Variants in SHPRH observed in about 807,000 individuals in gnomAD.
The protein encoded by SHPRH is SNF2 histone linker PHD RING helicase.
In SHPRH, 106 loss-of-function variants were observed where a neutral mutation model predicts 202.5. The observed-to-expected ratio is 0.52, with a 90% CI of 0.45 to 0.62. SHPRH has a LOEUF of 0.62. Ranked by LOEUF, SHPRH falls within the 20% of genes least tolerant of loss-of-function variation. The pLI is 0.00. For synonymous variants in SHPRH, 729 were observed against 686.0 expected (o/e 1.06, Z -0.98); for missense variants, 1,710 against 2,020.0 (o/e 0.85, Z 2.94).
At chr6:145,946,158 T>A in intron 7 of SHPRH, 75 bp downstream of exon 7, 1 of 1,033,506 alleles carries the variant, frequency 9.7e-7, no homozygotes. Flanking sequence ...AATTACAAGA[T>A]ATCTCTAAGG....
intron 23 of SHPRH, 44 bp downstream of exon 23, chr6:145,918,087 G>T: frequency 6.8e-7 from 1 of 1,474,306 alleles, no homozygotes; most frequent in Non-Finnish European, 9.3e-7. Flanking sequence ...AGTGGTTTAT[G>T]ATAATGCAGC....
chr6:145,895,321 C>T (rs1198082853), intron 25 of SHPRH, among the ~76,000 whole-genome samples: 1 of 152,022 alleles, frequency 6.6e-6, no homozygotes, highest in Non-Finnish European at 1.5e-5. Context: ...TATTTTAAAA[C>T]ACTCTTCATT....
chr6:145,900,152 G>T (rs908991508), intron 25 of SHPRH, among the ~76,000 whole-genome samples: 1 of 152,070 alleles, frequency 6.6e-6, no homozygotes, highest in Admixed American at 6.6e-5. Context: ...CTATTTCTGG[G>T]TATATATCCA....
chr6:145,861,431 A>C (rs1394526570), downstream of SHPRH, among the ~76,000 whole-genome samples: 3 of 151,710 alleles, frequency 2.0e-5, no homozygotes, highest in East Asian at 5.8e-4. Flanking sequence ...CTATTATCAA[A>C]AAAAAAAAAG....
intron 28 of SHPRH, among the ~76,000 whole-genome samples, chr6:145,890,062 A>G (rs1267817077): frequency 2.0e-5 from 3 of 152,114 alleles, no homozygotes; most frequent in Non-Finnish European, 2.9e-5. Context: ...TCATTTTCTT[A>G]CTAATTCTCC....
In SHPRH at chr6:145,913,255, G is replaced by A. The variant is rs7768718; in HGVS notation, c.4326+223C>T. Among the ~76,000 whole-genome samples the A allele has an allele frequency of 2.0e-3, 309 of 152,204 alleles. 1 individual carries two copies. Among genetic ancestry groups the A allele is most frequent in the African/African-American group, 6.5e-3 (268 of 41,548 alleles). On this transcript the variant is annotated intron_variant, in intron 24 of 29. Transcript: ENST00000275233. ...GTGCATCTTTAATGAAAAAGATGGC[G>A]TCATTCTAGAAATATTTTTTCACTT...
rs544832383 is a variant in SHPRH at position 145,924,721 on chromosome 6, C to T, written c.3402+18G>A. ...TCTGGAGGCAAATACAAGTAAGAAA[C>T]ACTGCATTTTGGCATACCTTTCTTT... On this transcript the variant is annotated intron_variant, in intron 17 of 29. Transcript: ENST00000275233. 2 of 1,603,516 alleles carry T rather than the reference C, an allele frequency of 1.2e-6. No homozygotes were observed. The highest frequency in any genetic ancestry group is 4.5e-5 in the East Asian group (2 of 44,740).
In SHPRH at chr6:145,943,216, G is replaced by A; in HGVS notation, c.2165C>T (p.Ser722Phe). Residue 722 changes from serine to phenylalanine, a missense_variant, in exon 9 of 30, where the codon TCT (serine) becomes TTT (phenylalanine). Around this residue, in one of 8 missense-constraint regions of SHPRH, gnomAD observed 277 missense variants for 363.0 expected, o/e 0.76. Transcript: ENST00000275233. ...PVSTRATLII[S>F]PSSICHQWVD... ...CCACTGGTGACAGATGGAACTTGGA[G>A]AGATGATCAGAGTTGCTCTTGTTGA... The A allele has an allele frequency of 6.2e-7, 1 of 1,613,766 alleles. No homozygotes were observed. Among genetic ancestry groups the A allele is most frequent in the Non-Finnish European group, 8.5e-7 (1 of 1,179,850 alleles).
chr6:145,945,547 A>G lies in SHPRH; in HGVS notation c.1412T>C (p.Ile471Thr). 1 of 1,613,192 alleles carries G rather than the reference A, an allele frequency of 6.2e-7. No individual in the cohort carries two copies. Among genetic ancestry groups the G allele is most frequent in the Non-Finnish European group, 8.5e-7 (1 of 1,179,546 alleles). The change falls in exon 8 of 30, where the codon ATA (isoleucine) becomes ACA (threonine). Residue 471 changes from isoleucine (I) to threonine (T), a missense_variant. Physicochemically the swap from Ile to Thr is moderately conservative, Grantham distance 89 (BLOSUM62 -1). Around this residue, in one of 8 missense-constraint regions of SHPRH, gnomAD observed 348 missense variants for 356.9 expected, o/e 0.97. Coordinates refer to ENST00000275233, the MANE Select transcript of SHPRH (RefSeq NM_001042683.3). ...GTTCCGTTGAACATCGTATCTATAT[A>G]TAGAACTGACATACTTATAGATGGA... ...ILSIYKYVSS[I>T]YRYDVQRNRS... is the part of the protein sequence containing the mutation.
chr6:145,935,354 T>C lies in SHPRH; in HGVS notation c.2657A>G (p.Lys886Arg), dbSNP rs570335250. 8.1e-6 allele frequency: 13 copies of C among 1,614,092 alleles called. No homozygotes were observed. The highest frequency in any genetic ancestry group is 1.0e-5 in the Non-Finnish European group (12 of 1,180,008). Residue 886 changes from lysine (K) to arginine (R), a missense_variant, in exon 12 of 30, where the codon AAG becomes AGG. Coordinates refer to ENST00000275233, the MANE Select transcript of SHPRH (RefSeq NM_001042683.3). ...GCTGTAGAGATGCTGAGGATTCTTCTTGCAGTAAGGCCGATAGAGAAGTCG... is the reference window on the plus strand; with the variant it reads ...GCTGTAGAGATGCTGAGGATTCTTCCTGCAGTAAGGCCGATAGAGAAGTCG... The part of the protein sequence containing the change: ...WVRLLYRPYC[K>R]KNPQHLYSFI...
chr6:145,878,820 T>C (rs1477857955), intron 2 of SHPRH, among the ~76,000 whole-genome samples: 3 of 152,194 alleles, frequency 2.0e-5, no homozygotes, highest in Admixed American at 6.5e-5. Flanking sequence ...AGAGCCATCA[T>C]TTTTCTTGGC....
At position 145,948,348 on chromosome 6, in the gene SHPRH, T is replaced by C. The variant is rs1255812509; in HGVS notation, c.985A>G (p.Ser329Gly). ...TCTCGCCATAAGAAGTGCAGGGCAC[T>C]TTCTAAAGAAAAATATAATCATAAT... ...ECFRSSPATE[S>G]ALHFLWREIV... The change falls in exon 5 of 30, where the codon AGT becomes GGT. Residue 329 changes from serine (S) to glycine (G), a missense_variant and splice_region_variant. By Grantham distance (56) the Ser-to-Gly change is moderately conservative. Around this residue, in one of 8 missense-constraint regions of SHPRH, gnomAD observed 459 missense variants for 426.5 expected, o/e 1.08. Coordinates refer to ENST00000275233, the MANE Select transcript of SHPRH (RefSeq NM_001042683.3). The C allele has an allele frequency of 6.3e-7, 1 of 1,596,696 alleles. No homozygotes were observed.
intron 2 of SHPRH, chr6:145,870,844 G>A (rs970995054): frequency 6.6e-6 from 1 of 152,134 alleles, no homozygotes; most frequent in African/African-American, 2.4e-5. Context: ...AATTTACTAA[G>A]AGTGTTTATT....
intron 29 of SHPRH, among the ~76,000 whole-genome samples, chr6:145,887,427 G>C (rs1431999684): frequency 6.6e-6 from 1 of 151,688 alleles, no homozygotes; most frequent in African/African-American, 2.4e-5. Flanking sequence ...ATAAATATTA[G>C]AAAGTTCTAT....
intron 2 of SHPRH, among the ~76,000 whole-genome samples, chr6:145,865,634 A>G (rs989017161): frequency 1.3e-5 from 2 of 152,220 alleles, no homozygotes; most frequent in African/African-American, 2.4e-5. Context: ...TCCAGCTGCA[A>G]TAAGAAGCAA....
intron 3 of SHPRH, 25 bp downstream of exon 3, chr6:145,952,324 T>C: frequency 6.4e-7 from 1 of 1,566,752 alleles, no homozygotes; most frequent in South Asian, 1.2e-5. Context: ...GTAATAGCAA[T>C]TTTTAAGTTT....
intron 8 of SHPRH, among the ~76,000 whole-genome samples, chr6:145,944,018 AT>A (rs1431513724): frequency 2.6e-5 from 4 of 152,124 alleles, no homozygotes; most frequent in Admixed American, 6.6e-5. Flanking sequence ...CAAGTGTCAG[AT>A]TTGGAGAGAT....
intron 9 of SHPRH, 73 bp downstream of exon 9, chr6:145,943,070 A>T: frequency 3.4e-6 from 5 of 1,472,482 alleles, no homozygotes; most frequent in Non-Finnish European, 4.6e-6. Flanking sequence ...ACAAAGAAAC[A>T]AAGATTAGGA....
intron 11 of SHPRH, chr6:145,935,717 T>C (rs1461881835): frequency 3.7e-6 from 1 of 273,114 alleles, no homozygotes; most frequent in Non-Finnish European, 6.9e-6. Flanking sequence ...TCTGAAACTG[T>C]TATCAGAAGT....
Sources: allele counts gnomAD v4.1 joint callset (sites outside exome capture counted in the v4.1 genomes callset), GRCh38; gene constraint gnomAD v4.1.1; regional missense constraint gnomAD v4.1.1; transcripts MANE v1.5; gene names NCBI Gene and HGNC (gene_info 2026-07-23, HGNC 2026-07-21).